Variants in CHLSN observed in about 807,000 individuals in gnomAD.
CHLSN encodes cholesin, also known as protein cholesin.
chr7:1,123,065 A>C, the CHLSN span, among the ~76,000 whole-genome samples: 4 of 152,070 alleles, frequency 2.6e-5, no homozygotes, highest in Non-Finnish European at 5.9e-5. The surrounding 1 kb of genome is among the most constrained non-coding windows in gnomAD (Gnocchi z 4.4). Flanking sequence ...TCAGCAAACA[A>C]CACCCAGAGC....
the CHLSN span, among the ~76,000 whole-genome samples, chr7:1,107,283 C>T: frequency 6.6e-6 from 1 of 152,072 alleles, no homozygotes; most frequent in Admixed American, 6.5e-5. Context: ...GGGAGAGAGC[C>T]CATGATGCGC....
the CHLSN span, among the ~76,000 whole-genome samples, chr7:1,073,028 T>C: frequency 6.6e-5 from 10 of 152,190 alleles, no homozygotes; most frequent in Non-Finnish European, 1.2e-4. Context: ...CTTAAAACAA[T>C]GTGCCCAGTA....
At chr7:1,136,411 C>T in the CHLSN span, among the ~76,000 whole-genome samples, 2 of 30,996 alleles carry the variant, frequency 6.5e-5, 1 homozygote, top group African/African-American at 3.3e-4. Flanking sequence ...TATATATAAA[C>T]ATATATATAA....
At chr7:1,028,501 G>A in the CHLSN span, 5 of 985,270 alleles carry the variant, frequency 5.1e-6, no homozygotes, top group African/African-American at 7.0e-5. Context: ...CTGAGAAGGC[G>A]GGGGTGGACC....
the CHLSN span, chr7:1,000,497 G>A: frequency 6.2e-7 from 1 of 1,608,440 alleles, no homozygotes; most frequent in Non-Finnish European, 8.5e-7. Flanking sequence ...TGTGCAGCAG[G>A]AGCCACGTCT....
the CHLSN span, among the ~76,000 whole-genome samples, chr7:996,320 G>A: frequency 6.6e-6 from 1 of 152,260 alleles, no homozygotes; most frequent in Non-Finnish European, 1.5e-5. Flanking sequence ...AGCCAAGGCA[G>A]GCAGCCTGAC....
At chr7:1,104,936 T>C in the CHLSN span, among the ~76,000 whole-genome samples, 1 of 152,192 alleles carries the variant, frequency 6.6e-6, no homozygotes, top group Non-Finnish European at 1.5e-5. Context: ...CTTGAATAAA[T>C]GTGATGTTAG....
At chr7:1,018,208 C>G in the CHLSN span, among the ~76,000 whole-genome samples, 1 of 152,148 alleles carries the variant, frequency 6.6e-6, no homozygotes, top group Non-Finnish European at 1.5e-5. Context: ...TAGGGCTTGG[C>G]GGGTGGGGTC....
the CHLSN span, chr7:988,240 CG>C: frequency 6.5e-7 from 1 of 1,545,166 alleles, no homozygotes; most frequent in East Asian, 2.3e-5. Flanking sequence ...CCATCTTCCC[CG>C]GGGCCCCTCT....
chr7:1,120,248 G>A, the CHLSN span, among the ~76,000 whole-genome samples: 526 of 152,258 alleles, frequency 3.5e-3, 5 homozygotes, highest in Admixed American at 5.0e-3. Flanking sequence ...GCAGCACCAC[G>A]TGTCGACCAG....
At chr7:1,116,836 C>T in the CHLSN span, among the ~76,000 whole-genome samples, 1 of 61,220 alleles carries the variant, frequency 1.6e-5, no homozygotes. Context: ...TCACCGACGC[C>T]CACGCAGGAT....
the CHLSN span, among the ~76,000 whole-genome samples, chr7:1,078,350 G>T: frequency 1.4e-4 from 13 of 89,908 alleles, no homozygotes; most frequent in East Asian, 4.1e-4. Flanking sequence ...GCTGCGGGGT[G>T]GGGGGGGGCT....
At chr7:1,058,896 G>A in the CHLSN span, 1 of 208,610 alleles carries the variant, frequency 4.8e-6, no homozygotes, top group South Asian at 1.3e-4. Flanking sequence ...TACAAAAACA[G>A]ATGTTTCCTA....
the CHLSN span, among the ~76,000 whole-genome samples, chr7:1,020,310 G>A: frequency 6.6e-6 from 1 of 152,166 alleles, no homozygotes; most frequent in South Asian, 2.1e-4. Context: ...CAGTCCTCCT[G>A]CAGCCTGGGG....
the CHLSN span, among the ~76,000 whole-genome samples, chr7:991,787 CACT>C: frequency 1.3e-5 from 2 of 152,248 alleles, no homozygotes; most frequent in African/African-American, 4.8e-5. Context: ...TCACGGCCAC[CACT>C]GTCACCTCCA....
At chr7:1,041,992 T>C in the CHLSN span, among the ~76,000 whole-genome samples, 2 of 152,064 alleles carry the variant, frequency 1.3e-5, no homozygotes, top group Non-Finnish European at 2.9e-5. Context: ...AACATCTCCG[T>C]GAGACACGCG....
At chr7:1,022,271 G>A in the CHLSN span, among the ~76,000 whole-genome samples, 1 of 152,144 alleles carries the variant, frequency 6.6e-6, no homozygotes, top group African/African-American at 2.4e-5. Flanking sequence ...CCTGGACCAC[G>A]AGCTCCTCTT....
the CHLSN span, among the ~76,000 whole-genome samples, chr7:998,948 G>T: frequency 2.0e-5 from 3 of 152,186 alleles, no homozygotes; most frequent in Admixed American, 2.0e-4. Context: ...GTTTGAAGCT[G>T]GGGGCTGCGT....
chr7:1,074,124 G>A, the CHLSN span, among the ~76,000 whole-genome samples: 6 of 1,122 alleles, frequency 5.3e-3, no homozygotes, highest in Admixed American at 0.011. Context: ...CGCCCGCCCC[G>A]ACCCCGCACC....
Sources: allele counts gnomAD v4.1 joint callset (sites outside exome capture counted in the v4.1 genomes callset), GRCh38; gene constraint gnomAD v4.1.1; non-coding constraint Gnocchi (gnomAD v3.1); transcripts MANE v1.5; gene names NCBI Gene and HGNC (gene_info 2026-07-23, HGNC 2026-07-21).